Variants in MAGEC3 observed in about 807,000 individuals in gnomAD.
The protein encoded by MAGEC3 is melanoma-associated antigen C3.
Under a neutral mutation model 35.3 loss-of-function variants are expected in MAGEC3, and 34 were observed. The observed-to-expected ratio is 0.96, with a 90% CI of 0.73 to 1.28. The LOEUF is 1.28. Ranked by LOEUF, MAGEC3 falls within the 50% of genes most tolerant of loss-of-function variation. The pLI is 0.00. For missense variants in MAGEC3, 561 were observed against 483.6 expected (o/e 1.16, Z -1.50); for synonymous variants, 202 against 185.6 (o/e 1.09, Z -0.72).
chrX:141,865,208 A>G (rs775086276), intron 1 of MAGEC3, among the ~76,000 whole-genome samples: 24 of 111,239 alleles, frequency 2.2e-4, no homozygotes, highest in Non-Finnish European at 4.0e-4. Context: ...CTCAAAACTA[A>G]TTTTTAAAAT....
intron 1 of MAGEC3, among the ~76,000 whole-genome samples, chrX:141,864,548 C>T (rs1284060591): frequency 1.8e-5 from 2 of 110,741 alleles, no homozygotes; most frequent in Non-Finnish European, 3.8e-5. Flanking sequence ...ACTGCATGTT[C>T]TCACTTATAA....
intron 4 of MAGEC3, among the ~76,000 whole-genome samples, chrX:141,891,672 T>G: frequency 9.5e-6 from 1 of 104,810 alleles, no homozygotes; most frequent in South Asian, 4.0e-4. Flanking sequence ...TGTGTATATA[T>G]ATATGCATAT....
chrX:141,854,727 T>C (rs1463589961), intron 1 of MAGEC3, among the ~76,000 whole-genome samples: 1 of 111,456 alleles, frequency 9.0e-6, no homozygotes, highest in Non-Finnish European at 1.9e-5. Context: ...GTCTTGAGTA[T>C]GTCTTTATCA....
At chrX:141,851,214 G>A (rs1283803398) in intron 1 of MAGEC3, among the ~76,000 whole-genome samples, 1 of 110,437 alleles carries the variant, frequency 9.1e-6, no homozygotes, top group Non-Finnish European at 1.9e-5. Flanking sequence ...TTGGATATTG[G>A]GGGTAGTCTC....
Position 141,885,663 on chromosome X carries a change from C to CAAAA in MAGEC3, c.909+3889_909+3892dup, listed in dbSNP as rs35973319. ...TGGGTGACAGAGTGAGACTTCGTCT[C>CAAAA]AAAAAAAAAAAAAAAAAAAAAAAAA... On this transcript the variant is annotated intron_variant, in intron 4 of 7. Transcript: ENST00000298296. Among the ~76,000 whole-genome samples the CAAAA allele has an allele frequency of 5.6e-4, 23 of 40,967 alleles. No individual in the cohort carries two copies. The East Asian group carries it at 7.2e-3, about 13-fold the overall frequency. The allele number at this position is 40,967 out of a possible 115,157, so 35.6% of individuals were successfully genotyped here. A position where few individuals can be genotyped will look rare whatever the true frequency, so the allele number is the denominator to read the frequency against.
intron 4 of MAGEC3, chrX:141,894,739 G>T: frequency 1.0e-6 from 1 of 970,013 alleles, no homozygotes; most frequent in Non-Finnish European, 1.3e-6. Context: ...CAACACGGAG[G>T]GAAGGCCCAG....
chrX:141,854,480 T>C (rs954648277), intron 1 of MAGEC3, among the ~76,000 whole-genome samples: 8 of 111,159 alleles, frequency 7.2e-5, no homozygotes, highest in Non-Finnish European at 1.3e-4. Context: ...CAGTAGGAGA[T>C]AATTGAATTG....
At chrX:141,856,052 G>A (rs1393218675) in intron 1 of MAGEC3, among the ~76,000 whole-genome samples, 3 of 111,586 alleles carry the variant, frequency 2.7e-5, no homozygotes, top group Admixed American at 9.5e-5. Context: ...GATATAGATG[G>A]ACATCAGACC....
intron 4 of MAGEC3, among the ~76,000 whole-genome samples, chrX:141,893,003 A>G (rs1204900008): frequency 8.9e-6 from 1 of 112,401 alleles, no homozygotes; most frequent in Middle Eastern, 4.2e-3. Context: ...ATCATAAGAA[A>G]ACAGAAAACC....
intron 1 of MAGEC3, among the ~76,000 whole-genome samples, chrX:141,844,541 A>C (rs1438655937): frequency 9.0e-6 from 1 of 111,304 alleles, no homozygotes; most frequent in Non-Finnish European, 1.9e-5. Context: ...TAATGTCTTC[A>C]AAAATTGTGG....
At chrX:141,891,455 T>C (rs774589904) in intron 4 of MAGEC3, among the ~76,000 whole-genome samples, 1 of 110,471 alleles carries the variant, frequency 9.1e-6, no homozygotes, top group East Asian at 2.8e-4. Context: ...CTTCCTTTTA[T>C]TAGGCTTACT....
intron 3 of MAGEC3, 124 bp from the exon 4 acceptor site, chrX:141,881,279 C>T: frequency 2.5e-6 from 2 of 809,967 alleles, no homozygotes; most frequent in Non-Finnish European, 1.8e-6. Flanking sequence ...CCCCAGAATC[C>T]TCCTGAGAGT....
rs1290487940 is a variant in MAGEC3, at chrX:141,876,622, T to A, written c.259-2553T>A. ...AAAGATAATTTATACAAAGACTTATTATTCTAAGAATGTCTGTGTATTTCT... is the reference window on the plus strand; with the variant it reads ...AAAGATAATTTATACAAAGACTTATAATTCTAAGAATGTCTGTGTATTTCT... On this transcript the variant is annotated intron_variant, in intron 2 of 7. Coordinates refer to ENST00000298296, the MANE Select transcript of MAGEC3 (RefSeq NM_138702.1). Among the ~76,000 whole-genome samples, 11 of 112,352 alleles carry A rather than the reference T, an allele frequency of 9.8e-5. No individual in the cohort carries two copies. In the Admixed American group the frequency reaches 1.0e-3, roughly 11 times the overall value.
intron 2 of MAGEC3, among the ~76,000 whole-genome samples, chrX:141,869,915 T>C (rs745823638): frequency 5.3e-4 from 59 of 111,703 alleles, no homozygotes; most frequent in Non-Finnish European, 9.8e-4. Flanking sequence ...CTATTAGACA[T>C]CATTTTTGCA....
intron 2 of MAGEC3, among the ~76,000 whole-genome samples, chrX:141,874,154 T>C (rs1813186823): frequency 8.9e-6 from 1 of 112,040 alleles, no homozygotes; most frequent in African/African-American, 3.2e-5. Context: ...CAAGTGGACA[T>C]CCACATGGAG....
At chrX:141,880,779 T>C (rs2017956892) in intron 3 of MAGEC3, 1 of 977,316 alleles carries the variant, frequency 1.0e-6, no homozygotes, top group African/African-American at 1.9e-5. Flanking sequence ...ACAAACCCCC[T>C]AGGATGGCAG....
In MAGEC3 at chrX:141,848,553, A is replaced by G. The variant is rs190278662; in HGVS notation, c.123+10115A>G. On this transcript the variant is annotated intron_variant, in intron 1 of 7. Transcript: ENST00000298296. ...ATAGCCAAACGAAAGTGAAATACCT[A>G]GAAATATATCTAAGCAAGTAGGTGA... 1.3e-3 allele frequency among the ~76,000 whole-genome samples: 150 copies of G among 111,460 alleles called. 1 individual carries two copies. Among genetic ancestry groups the G allele is most frequent in the African/African-American group, 4.7e-3 (145 of 30,851 alleles).
In MAGEC3 at chrX:141,879,326, T is replaced by C. The variant is rs1430893633; in HGVS notation, c.410T>C (p.Leu137Pro). Residue 137 changes from leucine (L) to proline (P), a missense_variant, in exon 3 of 8, where the codon CTG (leucine) becomes CCG (proline). Coordinates refer to ENST00000298296, the MANE Select transcript of MAGEC3 (RefSeq NM_138702.1). ...TGGCCACTCAACGAGAAGAGAACTC[T>C]GTGGAAGGACAGTGACCTTCCAACA... Reference protein sequence around the residue: ...QDWPLNEKRTLWKDSDLPTWR... With the variant: ...QDWPLNEKRTPWKDSDLPTWR... 2 of 1,204,338 alleles carry C rather than the reference T, an allele frequency of 1.7e-6. No individual in the cohort carries two copies. The highest frequency in any genetic ancestry group is 2.2e-6 in the Non-Finnish European group (2 of 891,745).
At chrX:141,846,836 C>T (rs1043687549) in intron 1 of MAGEC3, among the ~76,000 whole-genome samples, 1 of 110,825 alleles carries the variant, frequency 9.0e-6, no homozygotes, top group African/African-American at 3.3e-5. Flanking sequence ...TTGTTGCTAA[C>T]TTTAGTTCTT....
Sources: allele counts gnomAD v4.1 joint callset (sites outside exome capture counted in the v4.1 genomes callset), GRCh38; gene constraint gnomAD v4.1.1; transcripts MANE v1.5; gene names NCBI Gene and HGNC (gene_info 2026-07-23, HGNC 2026-07-21).